ANKRD28: variants seen among roughly 807,000 people sequenced by gnomAD.
ANKRD28 encodes the protein ankyrin repeat domain 28.
A neutral mutation model predicts 126.5 loss-of-function variants in ANKRD28; 44 were observed. The ratio of observed to expected loss-of-function variants is 0.35; its 90% CI spans 0.27 to 0.45. ANKRD28 has a LOEUF of 0.45. Among genes scored for constraint, ANKRD28 ranks in the 20% least tolerant of loss-of-function variants. ANKRD28 has a pLI of 1.00. For synonymous variants in ANKRD28, 442 were observed against 468.5 expected (o/e 0.94, Z 0.73); for missense variants, 1,110 against 1,316.6 (o/e 0.84, Z 2.43).
At position 15,845,797 on chromosome 3, in the gene ANKRD28, C is replaced by A. The variant is rs2061518235; in HGVS notation, c.27+13580G>T. Among the ~76,000 whole-genome samples the A allele has an allele frequency of 6.6e-6, 1 of 152,056 alleles. No homozygotes were observed. Among genetic ancestry groups the A allele is most frequent in the African/African-American group, 2.4e-5 (1 of 41,410 alleles). On this transcript the variant is annotated intron_variant, in intron 1 of 27. Coordinates refer to the ANKRD28 transcript ENST00000399451. The surrounding 1 kb of genome is among the most constrained non-coding windows in gnomAD (Gnocchi z 4.9). ...AGAAACTTAGAATCACGGTGGAGGG[C>A]AAAGGGGAAGCAAGCACGTCTTAAT...
intron 3 of ANKRD28, among the ~76,000 whole-genome samples, chr3:15,761,226 ATTTAC>A (rs2058440447): frequency 6.6e-6 from 1 of 152,168 alleles, no homozygotes. Context: ...ATATTGCTTA[ATTTAC>A]TTAAGATTAT....
At chr3:15,791,268 A>C (rs1163628482) in intron 2 of ANKRD28, among the ~76,000 whole-genome samples, 1 of 152,092 alleles carries the variant, frequency 6.6e-6, no homozygotes, top group Non-Finnish European at 1.5e-5. Context: ...AAAAAATACT[A>C]AAATTTATAT....
intron 1 of ANKRD28, among the ~76,000 whole-genome samples, chr3:15,857,363 C>G (rs1262551925): frequency 6.6e-6 from 1 of 152,200 alleles, no homozygotes; most frequent in Non-Finnish European, 1.5e-5. Context: ...CCGCTCACTG[C>G]AACCTCTGTC....
At chr3:15,705,644 GT>G (rs1465410707) in intron 14 of ANKRD28, among the ~76,000 whole-genome samples, 2 of 152,128 alleles carry the variant, frequency 1.3e-5, no homozygotes, top group Admixed American at 1.3e-4. Flanking sequence ...TATTTAAATA[GT>G]TGCTATCTAA....
At chr3:15,695,696 A>G (rs1029104421) in intron 15 of ANKRD28, among the ~76,000 whole-genome samples, 1 of 152,164 alleles carries the variant, frequency 6.6e-6, no homozygotes, top group African/African-American at 2.4e-5. Context: ...CACAGCAGAA[A>G]TAAAAACGTC....
In ANKRD28 at chr3:15,669,051, T is replaced by A. The variant is rs1325320814; in HGVS notation, c.*1219A>T. 6.6e-6 allele frequency: 1 copy of A among 152,424 alleles called. No homozygotes were observed. The highest frequency in any genetic ancestry group is 2.4e-5 in the African/African-American group (1 of 41,450). The allele number at this position is 152,424 out of a possible 1,614,324, so 9.4% of individuals were successfully genotyped here. On this transcript the variant is annotated 3_prime_UTR_variant, in exon 28 of 28. Coordinates refer to ENST00000683139, the MANE Select transcript of ANKRD28 (RefSeq NM_001349278.2). Reference sequence around the variant, plus strand: ...TGCTATTTGAAAGGTAGTCTTCAATTTGGCAGGCAACTGCTTCTCTCTCCA... The same window carrying A: ...TGCTATTTGAAAGGTAGTCTTCAATATGGCAGGCAACTGCTTCTCTCTCCA...
chr3:15,795,890 C>T lies in ANKRD28; in HGVS notation c.117+515G>A, dbSNP rs541516137. 9.2e-5 allele frequency among the ~76,000 whole-genome samples: 14 copies of T among 152,184 alleles called. No individual in the cohort carries two copies. In the East Asian group the frequency reaches 9.6e-4, roughly 10 times the overall value. ...CTAAATATAATAATTTCTTAATCAACGATACAGCCTCTTGATAAGGTATAC... is the reference window on the plus strand; with the variant it reads ...CTAAATATAATAATTTCTTAATCAATGATACAGCCTCTTGATAAGGTATAC... On this transcript the variant is annotated intron_variant, in intron 1 of 27. Transcript: ENST00000683139.
intron 1 of ANKRD28, among the ~76,000 whole-genome samples, chr3:15,822,731 C>T (rs1425072952): frequency 6.6e-6 from 1 of 151,168 alleles, no homozygotes; most frequent in Non-Finnish European, 1.5e-5. Flanking sequence ...AATGTCATCT[C>T]ACCAATTAGA....
chr3:15,685,522 TTAAA>T, intron 20 of ANKRD28, 77 bp from the exon 21 acceptor site: 1 of 1,300,222 alleles, frequency 7.7e-7, no homozygotes, highest in Non-Finnish European at 1.1e-6. Flanking sequence ...ATTAAAAACT[TTAAA>T]GACCATACTC....
chr3:15,688,157 T>C (rs1325293942), intron 18 of ANKRD28, among the ~76,000 whole-genome samples: 1 of 152,232 alleles, frequency 6.6e-6, no homozygotes, highest in Non-Finnish European at 1.5e-5. Context: ...TATTTACCTA[T>C]TGAGAGTGCA....
intron 27 of ANKRD28, among the ~76,000 whole-genome samples, chr3:15,675,139 A>C (rs1350730956): frequency 6.6e-6 from 1 of 152,096 alleles, no homozygotes; most frequent in Non-Finnish European, 1.5e-5. Flanking sequence ...GCGTCGTGGC[A>C]GGTGTCAGTA....
intron 3 of ANKRD28, among the ~76,000 whole-genome samples, chr3:15,763,260 C>A (rs2058584090): frequency 6.6e-6 from 1 of 152,344 alleles, no homozygotes; most frequent in African/African-American, 2.4e-5. Flanking sequence ...TTTCCACTTA[C>A]CTGATACCCT....
chr3:15,735,628 G>C (rs2074966640), intron 5 of ANKRD28, 131 bp from the exon 6 acceptor site: 1 of 634,624 alleles, frequency 1.6e-6, no homozygotes, highest in Admixed American at 3.0e-5. Context: ...GAAGGAGCTA[G>C]ACTAAATACT....
At chr3:15,725,023 G>A (rs984624263) in intron 6 of ANKRD28, among the ~76,000 whole-genome samples, 2 of 152,116 alleles carry the variant, frequency 1.3e-5, no homozygotes, top group East Asian at 1.9e-4. Flanking sequence ...GATAATTTTG[G>A]TAAGTGTTGG....
intron 14 of ANKRD28, among the ~76,000 whole-genome samples, chr3:15,700,264 A>G (rs1053922868): frequency 6.6e-6 from 1 of 152,112 alleles, no homozygotes; most frequent in Non-Finnish European, 1.5e-5. Context: ...ATGTGGACAC[A>G]GGGAGGGGAA....
intron 3 of ANKRD28, among the ~76,000 whole-genome samples, chr3:15,763,377 T>C (rs1194088653): frequency 6.6e-6 from 1 of 152,232 alleles, no homozygotes; most frequent in Non-Finnish European, 1.5e-5. Flanking sequence ...AGACACAGTC[T>C]AAGCTTATAT....
chr3:15,808,504 CATTT>C (rs1248568172), intron 1 of ANKRD28, among the ~76,000 whole-genome samples: 2 of 152,210 alleles, frequency 1.3e-5, no homozygotes. Flanking sequence ...TATGATCTTT[CATTT>C]ATTCAATAGT....
chr3:15,690,252 A>G, intron 17 of ANKRD28, 32 bp from the exon 18 acceptor site: 1 of 1,504,164 alleles, frequency 6.6e-7, no homozygotes, highest in South Asian at 1.3e-5. Context: ...AATTTAAAAC[A>G]TACATATTTA....
intron 14 of ANKRD28, among the ~76,000 whole-genome samples, chr3:15,703,468 A>C (rs2070914454): frequency 6.6e-6 from 1 of 152,222 alleles, no homozygotes; most frequent in South Asian, 2.1e-4. Flanking sequence ...GAATGGGATT[A>C]GTGTCCTTAT....
Sources: gnomAD v4.1 joint callset for allele counts (sites outside exome capture counted in the v4.1 genomes callset) on GRCh38, gnomAD v4.1.1 for gene constraint, Gnocchi (gnomAD v3.1) non-coding constraint, MANE v1.5 for transcripts, NCBI Gene and HGNC (gene_info 2026-07-23, HGNC 2026-07-21) for gene names.